The following GOLGA4 variants were observed in gnomAD, a reference collection of about 807,000 sequenced individuals.
GOLGA4 encodes the protein golgin A4.
In GOLGA4, 169 loss-of-function variants were observed where a neutral mutation model predicts 265.9. The observed-to-expected ratio is 0.64, with a 90% CI of 0.56 to 0.72. The LOEUF is 0.72. GOLGA4 is among the 30% of genes least tolerant of loss of function. The pLI, the probability that GOLGA4 is intolerant of heterozygous loss-of-function variation, is 0.00. For synonymous variants in GOLGA4, 923 were observed against 855.8 expected, an observed-to-expected ratio of 1.08 and a Z score of -1.37; for missense variants, 2,482 against 2,483.4, an observed-to-expected ratio of 1.00 and a Z score of 0.01.
In GOLGA4 at chr3:37,324,687, A is replaced by G. The variant is rs368181781; in HGVS notation, c.2801A>G (p.Lys934Arg). 1.9e-6 allele frequency: 3 copies of G among 1,612,408 alleles called. No homozygotes were observed. Among genetic ancestry groups the G allele is most frequent in the Non-Finnish European group, 2.5e-6 (3 of 1,179,438 alleles). Residue 934 changes from lysine to arginine, a missense_variant, in exon 14 of 24, where the codon AAG (lysine) becomes AGG (arginine). By Grantham distance (26) the Lys-to-Arg change is conservative. Around this residue, in one of 3 missense-constraint regions of GOLGA4, gnomAD observed 1,536 missense variants for 1,483.7 expected, o/e 1.04. Coordinates refer to ENST00000361924, the MANE Select transcript of GOLGA4 (RefSeq NM_002078.5). ...ATACTCACACAGAAATTGTCAGCCAAGGAGGACAGTATTCATATTTTGAAT... is the reference window on the plus strand; with the variant it reads ...ATACTCACACAGAAATTGTCAGCCAGGGAGGACAGTATTCATATTTTGAAT... ...IEILTQKLSA[K>R]EDSIHILNEE...
chr3:37,243,692 G>A (rs941104608), intron 1 of GOLGA4, 70 bp downstream of exon 1: 24 of 1,264,274 alleles, frequency 1.9e-5, no homozygotes, highest in Non-Finnish European at 2.5e-5. Flanking sequence ...CGAAAGAGGC[G>A]GGGGGAGTGG....
intron 2 of GOLGA4, among the ~76,000 whole-genome samples, chr3:37,266,177 GT>G (rs1386694552): frequency 6.6e-6 from 1 of 151,512 alleles, no homozygotes; most frequent in East Asian, 1.9e-4. Flanking sequence ...GTTTTGTTTT[GT>G]TTTTTTGAGA....
At position 37,302,263 on chromosome 3, in the gene GOLGA4, A is replaced by G. The variant is rs147930072; in HGVS notation, c.1165A>G (p.Ser389Gly). ...MKEEEIAQLRSRIKQMTTQGE... is the reference protein window; with the variant it reads ...MKEEEIAQLRGRIKQMTTQGE... The stretch of plus-strand genomic sequence containing the variant: ...AGAAGAAGAAATTGCTCAACTCCGT[A>G]GTCGCATCAAACAGATGACTACCCA... Residue 389 changes from serine to glycine, a missense_variant, in exon 10 of 24, where the codon AGT becomes GGT. Physicochemically the swap from Ser to Gly is moderately conservative, Grantham distance 56. Around this residue, in one of 3 missense-constraint regions of GOLGA4, gnomAD observed 1,536 missense variants for 1,483.7 expected, o/e 1.04. Transcript: ENST00000361924. 27 of 1,612,878 alleles carry G rather than the reference A, an allele frequency of 1.7e-5. No homozygotes were observed. Among genetic ancestry groups the G allele is most frequent in the Non-Finnish European group, 2.3e-5 (27 of 1,178,976 alleles).
chr3:37,274,896 C>G (rs944764276), intron 2 of GOLGA4, among the ~76,000 whole-genome samples: 1 of 151,852 alleles, frequency 6.6e-6, no homozygotes, highest in African/African-American at 2.4e-5. Context: ...ATTACATAGA[C>G]AAAACATTCG....
chr3:37,274,933 G>T lies in GOLGA4; in HGVS notation c.163-7025G>T, dbSNP rs564491152. On this transcript the variant is annotated intron_variant, in intron 2 of 23. Coordinates refer to ENST00000361924, the MANE Select transcript of GOLGA4 (RefSeq NM_002078.5). ...AAGTATTGTCTAACAAATGTTTAGG[G>T]CCGGGTGCGGTGGCTCATGCCTGTA... 7.9e-5 allele frequency among the ~76,000 whole-genome samples: 12 copies of T among 152,052 alleles called. No homozygotes were observed. In the East Asian group the frequency reaches 2.3e-3, roughly 30 times the overall value.
At chr3:37,269,651 G>C (rs886603341) in intron 2 of GOLGA4, among the ~76,000 whole-genome samples, 3 of 152,124 alleles carry the variant, frequency 2.0e-5, no homozygotes, top group Non-Finnish European at 2.9e-5. Flanking sequence ...ATGTACAAAA[G>C]TTTGGCACAA....
intron 10 of GOLGA4, among the ~76,000 whole-genome samples, chr3:37,307,509 A>G (rs1381972106): frequency 6.6e-6 from 1 of 152,198 alleles, no homozygotes; most frequent in African/African-American, 2.4e-5. Context: ...CACACATGCC[A>G]ATAAGTGAAT....
chr3:37,328,267 C>T lies in GOLGA4; in HGVS notation c.5940-149C>T, dbSNP rs185417356. 545 of 699,486 alleles carry T rather than the reference C, an allele frequency of 7.8e-4. 3 individuals carry two copies. The highest frequency in any genetic ancestry group is 6.7e-3 in the South Asian group (378 of 56,364). 43.3% of individuals were successfully genotyped at this position (699,486 alleles called of 1,614,324 possible). A position where few individuals can be genotyped will look rare whatever the true frequency, so the allele number is the denominator to read the frequency against. ...ACACACACACACACACACACACACA[C>T]ACTCACTCTCACACTCTCTCTCTCT... On this transcript the variant is annotated intron_variant, in intron 14 of 23. Coordinates refer to ENST00000361924, the MANE Select transcript of GOLGA4 (RefSeq NM_002078.5).
chr3:37,323,583 A>T lies in GOLGA4; in HGVS notation c.1702-5A>T. The T allele has an allele frequency of 6.6e-7, 1 of 1,525,898 alleles. No individual in the cohort carries two copies. The highest frequency in any genetic ancestry group is 8.8e-7 in the Non-Finnish European group (1 of 1,133,876). 94.5% of individuals were successfully genotyped at this position (1,525,898 alleles called of 1,614,324 possible). A position where few individuals can be genotyped will look rare whatever the true frequency, so the allele number is the denominator to read the frequency against. ...AATAAAAATGCATCTGTTTTTAATTAACAGAGAATTCTTGAATTGGAAAGT... is the reference window on the plus strand; with the variant it reads ...AATAAAAATGCATCTGTTTTTAATTTACAGAGAATTCTTGAATTGGAAAGT... On this transcript the variant is annotated splice_region_variant and splice_polypyrimidine_tract_variant and intron_variant, in intron 13 of 23. Coordinates refer to ENST00000361924, the MANE Select transcript of GOLGA4 (RefSeq NM_002078.5).
At chr3:37,254,455 TTTTG>T (rs1344651382) in intron 2 of GOLGA4, among the ~76,000 whole-genome samples, 1 of 152,264 alleles carries the variant, frequency 6.6e-6, no homozygotes, top group African/African-American at 2.4e-5. Context: ...TTTGTTTGTT[TTTTG>T]TTTTTTTAAT....
intron 1 of GOLGA4, among the ~76,000 whole-genome samples, chr3:37,248,980 C>CTG (rs1481097403): frequency 6.6e-6 from 1 of 152,178 alleles, no homozygotes; most frequent in Non-Finnish European, 1.5e-5. Context: ...GAGGTATTTC[C>CTG]TGTGGTCTAG....
chr3:37,285,412 T>A (rs1559382128), intron 3 of GOLGA4, among the ~76,000 whole-genome samples: 1 of 152,358 alleles, frequency 6.6e-6, no homozygotes, highest in East Asian at 1.9e-4. Flanking sequence ...TGGTTAAATA[T>A]CTCTTTAAGG....
At chr3:37,267,786 T>C (rs2096787592) in intron 2 of GOLGA4, among the ~76,000 whole-genome samples, 1 of 152,224 alleles carries the variant, frequency 6.6e-6, no homozygotes, top group African/African-American at 2.4e-5. Flanking sequence ...AAGAATTGAT[T>C]TAACTTATTA....
chr3:37,348,768 AC>A (rs1364651364), intron 21 of GOLGA4, among the ~76,000 whole-genome samples: 1 of 152,190 alleles, frequency 6.6e-6, no homozygotes, highest in Admixed American at 6.5e-5. Flanking sequence ...AAATGGAGAG[AC>A]AGACTGCCTT....
intron 9 of GOLGA4, 95 bp downstream of exon 9, chr3:37,299,466 TC>T: frequency 1.4e-6 from 1 of 728,982 alleles, no homozygotes; most frequent in Non-Finnish European, 2.3e-6. Context: ...GTTTCTGTTT[TC>T]TAAAAATTAT....
At chr3:37,334,991 G>C in intron 16 of GOLGA4, 62 bp from the exon 17 acceptor site, 4 of 1,021,966 alleles carry the variant, frequency 3.9e-6, no homozygotes, top group Non-Finnish European at 5.8e-6. Context: ...TTTTTGATGT[G>C]TTTGTTTACT....
chr3:37,324,346 G>C lies in GOLGA4; in HGVS notation c.2460G>C (p.Gln820His), dbSNP rs1487525479. The change falls in exon 14 of 24, where the codon CAG becomes CAC. Residue 820 changes from glutamine to histidine, a missense_variant. By Grantham distance (24) the Gln-to-His change is conservative. Around this residue, in one of 3 missense-constraint regions of GOLGA4, gnomAD observed 1,536 missense variants for 1,483.7 expected, o/e 1.04. Coordinates refer to ENST00000361924, the MANE Select transcript of GOLGA4 (RefSeq NM_002078.5). ...THEQTKAYEE[Q>H]LAQLQQKLLD... Reference sequence around the variant, plus strand: ...AGCAGACAAAAGCATATGAGGAACAGTTGGCCCAATTGCAGCAGAAGTTGT... The same window carrying C: ...AGCAGACAAAAGCATATGAGGAACACTTGGCCCAATTGCAGCAGAAGTTGT... The C allele has an allele frequency of 6.2e-7, 1 of 1,614,198 alleles. No individual in the cohort carries two copies. Among genetic ancestry groups the C allele is most frequent in the East Asian group, 2.2e-5 (1 of 44,882 alleles).
intron 2 of GOLGA4, among the ~76,000 whole-genome samples, chr3:37,252,621 C>T (rs2096737141): frequency 6.6e-6 from 1 of 152,010 alleles, no homozygotes; most frequent in African/African-American, 2.4e-5. Context: ...TTTTGAGAGT[C>T]TTTATTTTTC....
At chr3:37,266,751 T>G (rs1578412348) in intron 2 of GOLGA4, 1 of 459,632 alleles carries the variant, frequency 2.2e-6, no homozygotes. Context: ...GCATGCTGCG[T>G]GGTGAGAACA....
Sources: allele counts gnomAD v4.1 joint callset (sites outside exome capture counted in the v4.1 genomes callset), GRCh38; gene constraint gnomAD v4.1.1; regional missense constraint gnomAD v4.1.1; transcripts MANE v1.5; gene names NCBI Gene and HGNC (gene_info 2026-07-23, HGNC 2026-07-21).